Variants in ROCK2 observed in about 807,000 individuals in gnomAD.
The protein encoded by ROCK2 is Rho associated coiled-coil containing protein kinase 2.
In ROCK2, 61 loss-of-function variants were observed where a neutral mutation model predicts 195.1. The observed-to-expected ratio is 0.31, with a 90% CI of 0.25 to 0.39. The LOEUF (loss-of-function observed/expected upper bound fraction) is 0.39. Ranked by LOEUF, ROCK2 falls within the 10% of genes least tolerant of loss-of-function variation. The pLI is 1.00. For synonymous variants in ROCK2, 504 were observed against 545.5 expected, an observed-to-expected ratio of 0.92 and a Z score of 1.06; for missense variants, 1,109 against 1,637.4, an observed-to-expected ratio of 0.68 and a Z score of 5.57.
At chr2:11,325,434 C>T (rs938877952) in intron 1 of ROCK2, among the ~76,000 whole-genome samples, 3 of 152,188 alleles carry the variant, frequency 2.0e-5, no homozygotes, top group South Asian at 2.1e-4. Context: ...CCACATACTA[C>T]ATTACAGTTA....
chr2:11,246,228 C>T (rs933039648), intron 4 of ROCK2, among the ~76,000 whole-genome samples: 1 of 152,136 alleles, frequency 6.6e-6, no homozygotes, highest in Non-Finnish European at 1.5e-5. Context: ...CTATATCTAA[C>T]AACCAATTTA....
At chr2:11,299,579 G>C (rs980272226) in intron 1 of ROCK2, among the ~76,000 whole-genome samples, 8 of 152,140 alleles carry the variant, frequency 5.3e-5, no homozygotes, top group African/African-American at 1.9e-4. Flanking sequence ...TTTTGAGGCA[G>C]AGCCACTTAG....
Position 11,214,429 on chromosome 2 carries a change from GTT to G in ROCK2, c.1969_1970del (p.Asn657ArgfsTer21). The G allele has an allele frequency of 6.2e-7, 1 of 1,609,068 alleles. No individual in the cohort carries two copies. The highest frequency in any genetic ancestry group is 8.5e-7 in the Non-Finnish European group (1 of 1,176,438). On this transcript the variant is annotated frameshift_variant, in exon 17 of 33. Coordinates refer to ENST00000315872, the MANE Select transcript of ROCK2 (RefSeq NM_004850.5). LOFTEE classifies it high-confidence loss of function. ...CTACTTTCGCTAGTAAGATTTTGCCGTTCTTTAAATCTTCTTCTAGGCCACAT... is the reference window on the plus strand; with the variant it reads ...CTACTTTCGCTAGTAAGATTTTGCCGCTTTAAATCTTCTTCTAGGCCACAT... ...RICGLEEDLKNGKILLAKVEL... is the reference protein window; with the variant it reads ...RICGLEEDLKXGKILLAKVEL...
At chr2:11,297,702 C>A (rs1667579465) in intron 1 of ROCK2, among the ~76,000 whole-genome samples, 1 of 152,128 alleles carries the variant, frequency 6.6e-6, no homozygotes. Context: ...ATTCTAAATA[C>A]ATGTTGTTAA....
intron 1 of ROCK2, among the ~76,000 whole-genome samples, chr2:11,306,958 G>GA (rs912383207): frequency 4.6e-5 from 7 of 152,082 alleles, no homozygotes; most frequent in African/African-American, 1.7e-4. Context: ...TTTCTTGGGG[G>GA]AAAAAAGAAT....
rs1558370127 is a variant in ROCK2 at position 11,296,052 on chromosome 2, A to AG, written c.142-8317_142-8316insC. Among the ~76,000 whole-genome samples the AG allele has an allele frequency of 6.3e-4, 30 of 47,892 alleles. 1 individual carries two copies. Among genetic ancestry groups the AG allele is most frequent in the Non-Finnish European group, 8.0e-4 (19 of 23,680 alleles). The allele number at this position is 47,892 out of a possible 152,430, so 31.4% of individuals were successfully genotyped here. On this transcript the variant is annotated intron_variant, in intron 1 of 32. Transcript: ENST00000315872. ...AGAGAGAGAGAGAGAGAGAGAGAGA[A>AG]AACAAAGGGTCTCAAAGCAGAATAA...
intron 3 of ROCK2, among the ~76,000 whole-genome samples, chr2:11,265,817 T>C (rs909674984): frequency 2.0e-5 from 3 of 152,052 alleles, no homozygotes; most frequent in Non-Finnish European, 4.4e-5. Context: ...CACAGTGGGA[T>C]TGCAGGATTA....
chr2:11,340,451 T>A (rs562772139), intron 1 of ROCK2, among the ~76,000 whole-genome samples: 7 of 152,210 alleles, frequency 4.6e-5, no homozygotes, highest in African/African-American at 1.4e-4. Context: ...ACCTTTTTTT[T>A]AAAACCTCCC....
chr2:11,345,341 C>G (rs1669272109), upstream of ROCK2, among the ~76,000 whole-genome samples: 1 of 152,154 alleles, frequency 6.6e-6, no homozygotes, highest in African/African-American at 2.4e-5. Flanking sequence ...GGGTCTTCTC[C>G]TTTTGGGGGG....
chr2:11,320,159 T>C (rs6755337), intron 1 of ROCK2, among the ~76,000 whole-genome samples: 111,116 of 152,116 alleles, frequency 0.73, 42,487 homozygotes, highest in East Asian at 0.94. Flanking sequence ...GGTGTTCACA[T>C]TCCATAGCTT....
At chr2:11,217,763 C>A (rs55714132) in intron 11 of ROCK2, 3,702 of 153,206 alleles carry the variant, frequency 0.024, 61 homozygotes, top group East Asian at 0.053. Flanking sequence ...CAAAAATTAC[C>A]GAAACTATTA....
chr2:11,200,638 T>C (rs1287779891), intron 23 of ROCK2, among the ~76,000 whole-genome samples: 1 of 152,206 alleles, frequency 6.6e-6, no homozygotes, highest in Non-Finnish European at 1.5e-5. Flanking sequence ...CTCTGAAATT[T>C]TTATTGCAAT....
intron 3 of ROCK2, among the ~76,000 whole-genome samples, chr2:11,282,039 C>G (rs1303623398): frequency 6.6e-6 from 1 of 151,996 alleles, no homozygotes; most frequent in Non-Finnish European, 1.5e-5. Context: ...AAGCAAAAGA[C>G]CCAGAATAGC....
intron 1 of ROCK2, among the ~76,000 whole-genome samples, chr2:11,295,325 T>C (rs898095947): frequency 7.2e-5 from 11 of 152,166 alleles, no homozygotes; most frequent in Middle Eastern, 3.4e-3. Context: ...CAGATAAAAT[T>C]AGAGTTGTTA....
chr2:11,305,151 G>A (rs1667816445), intron 1 of ROCK2, among the ~76,000 whole-genome samples: 1 of 152,188 alleles, frequency 6.6e-6, no homozygotes, highest in East Asian at 1.9e-4. Context: ...TGAGGAGGGT[G>A]GAACAACTGA....
chr2:11,302,320 T>C (rs975777894), intron 1 of ROCK2, among the ~76,000 whole-genome samples: 1 of 151,940 alleles, frequency 6.6e-6, no homozygotes, highest in African/African-American at 2.4e-5. Context: ...TTTTTTGTTG[T>C]TGTTTTTTTT....
chr2:11,326,861 G>A (rs1668564926), intron 1 of ROCK2, among the ~76,000 whole-genome samples: 2 of 152,206 alleles, frequency 1.3e-5, no homozygotes, highest in African/African-American at 4.8e-5. Flanking sequence ...CAAGTAACAG[G>A]AAATATAAGG....
chr2:11,252,204 C>T (rs534716739), intron 3 of ROCK2, among the ~76,000 whole-genome samples: 3 of 151,916 alleles, frequency 2.0e-5, no homozygotes, highest in South Asian at 4.2e-4. Context: ...TGAAGTCAGG[C>T]GTTCGAGACC....
In ROCK2 at chr2:11,181,140, T is replaced by C. The variant is rs1312831559; in HGVS notation, c.*2297A>G. ...TACTCAAATATTTCAGTTACTCATA[T>C]GTAAACTTGAAATTATTTCACCTTA... On this transcript the variant is annotated 3_prime_UTR_variant, in exon 33 of 33. Coordinates refer to ENST00000315872, the MANE Select transcript of ROCK2 (RefSeq NM_004850.5). 4 of 148,992 alleles carry C rather than the reference T, an allele frequency of 2.7e-5. No homozygotes were observed. Among genetic ancestry groups the C allele is most frequent in the Non-Finnish European group, 5.9e-5 (4 of 67,424 alleles). The allele number at this position is 148,992 out of a possible 1,614,324, so 9.2% of individuals were successfully genotyped here.
Sources: gnomAD v4.1 joint callset for allele counts (sites outside exome capture counted in the v4.1 genomes callset) on GRCh38, gnomAD v4.1.1 for gene constraint, MANE v1.5 for transcripts, NCBI Gene and HGNC (gene_info 2026-07-23, HGNC 2026-07-21) for gene names.